The following ITGAV variants were observed in gnomAD, a reference collection of about 807,000 sequenced individuals.
ITGAV encodes the protein integrin subunit alpha V, also known as integrin alpha-V.
ITGAV carries 76 observed loss-of-function variants against 143.8 expected under a neutral mutation model. The observed-to-expected ratio is 0.53, with a 90% CI of 0.44 to 0.64. The LOEUF (loss-of-function observed/expected upper bound fraction) is 0.64. Among genes scored for constraint, ITGAV ranks in the 30% least tolerant of loss-of-function variants. The pLI is 0.00. For synonymous variants in ITGAV, 453 were observed against 446.7 expected, an observed-to-expected ratio of 1.01 and a Z score of -0.18; for missense variants, 1,193 against 1,274.7, an observed-to-expected ratio of 0.94 and a Z score of 0.98.
intron 1 of ITGAV, among the ~76,000 whole-genome samples, chr2:186,595,076 T>TA (rs748348634): frequency 5.9e-5 from 9 of 152,204 alleles, no homozygotes; most frequent in Non-Finnish European, 1.3e-4. Context: ...AAGCATTTTT[T>TA]AAAAAATGAA....
chr2:186,634,418 C>G (rs1464789535), intron 6 of ITGAV, among the ~76,000 whole-genome samples: 1 of 151,596 alleles, frequency 6.6e-6, no homozygotes, highest in Non-Finnish European at 1.5e-5. Context: ...TCAAATTTTA[C>G]TCTATTTTCT....
intron 12 of ITGAV, among the ~76,000 whole-genome samples, chr2:186,644,388 C>A (rs1275266617): frequency 6.6e-6 from 1 of 151,676 alleles, no homozygotes; most frequent in African/African-American, 2.4e-5. Context: ...TGCAGTGGCA[C>A]GATATCGGCT....
chr2:186,603,779 C>T (rs372807989), intron 2 of ITGAV, among the ~76,000 whole-genome samples: 10 of 151,832 alleles, frequency 6.6e-5, no homozygotes, highest in African/African-American at 2.2e-4. Context: ...ATAACATTTG[C>T]ACATGGTAAA....
chr2:186,629,491 C>G (rs1260065799), intron 4 of ITGAV, among the ~76,000 whole-genome samples: 1 of 151,752 alleles, frequency 6.6e-6, no homozygotes, highest in Non-Finnish European at 1.5e-5. Flanking sequence ...GCTGGAAACC[C>G]CTGCCCCACA....
intron 12 of ITGAV, among the ~76,000 whole-genome samples, chr2:186,643,491 A>G (rs760412715): frequency 1.4e-4 from 21 of 152,216 alleles, no homozygotes; most frequent in Non-Finnish European, 2.8e-4. Flanking sequence ...TACATTATAC[A>G]TGTATATGTT....
intron 18 of ITGAV, among the ~76,000 whole-genome samples, chr2:186,662,138 C>T (rs1688764926): frequency 6.6e-6 from 1 of 152,132 alleles, no homozygotes; most frequent in Non-Finnish European, 1.5e-5. Flanking sequence ...TCATTGCAAA[C>T]TTAAGATACT....
At chr2:186,644,147 T>C (rs1453474651) in intron 12 of ITGAV, among the ~76,000 whole-genome samples, 1 of 152,070 alleles carries the variant, frequency 6.6e-6, no homozygotes, top group Non-Finnish European at 1.5e-5. Context: ...CTTTGCCATG[T>C]TGCCAAAACT....
chr2:186,675,468 C>A, intron 26 of ITGAV, 136 bp from the exon 27 acceptor site: 1 of 640,034 alleles, frequency 1.6e-6, no homozygotes, highest in Non-Finnish European at 2.8e-6. Context: ...AACTATTAGC[C>A]TGTTTATTTT....
In ITGAV at chr2:186,678,678, A is replaced by G; in HGVS notation, c.*1386A>G. ...AGTGGTGAACCTTCTAGAGGAATAT[A>G]TGATTTATTCACAGTTCCTCAAGGC... On this transcript the variant is annotated 3_prime_UTR_variant, in exon 30 of 30. Transcript: ENST00000261023. 2.2e-6 allele frequency: 1 copy of G among 454,722 alleles called. No individual in the cohort carries two copies. Among genetic ancestry groups the G allele is most frequent in the Non-Finnish European group, 4.4e-6 (1 of 225,996 alleles). The allele number at this position is 454,722 out of a possible 1,614,324, so 28.2% of individuals were successfully genotyped here.
chr2:186,652,416 C>T (rs760441068), intron 15 of ITGAV, among the ~76,000 whole-genome samples: 2 of 152,026 alleles, frequency 1.3e-5, no homozygotes, highest in African/African-American at 2.4e-5. Context: ...TCTCGAAGAC[C>T]GCTGTGCTCA....
At position 186,590,451 on chromosome 2, in the gene ITGAV, C is replaced by G; in HGVS notation, c.113C>G (p.Pro38Arg). 1 of 1,612,806 alleles carries G rather than the reference C, an allele frequency of 6.2e-7. No individual in the cohort carries two copies. Among genetic ancestry groups the G allele is most frequent in the Non-Finnish European group, 8.5e-7 (1 of 1,179,612 alleles). Residue 38 changes from proline to arginine, a missense_variant, in exon 1 of 30, where the codon CCT becomes CGT. Transcript: ENST00000261023. ...CRAFNLDVDSPAEYSGPEGSY... is the reference protein window; with the variant it reads ...CRAFNLDVDSRAEYSGPEGSY... ...GCCTTCAACCTAGACGTGGACAGTC[C>G]TGCCGAGTACTCTGGCCCCGAGGGA...
intron 12 of ITGAV, among the ~76,000 whole-genome samples, chr2:186,645,728 G>A (rs1688237459): frequency 6.6e-6 from 1 of 152,148 alleles, no homozygotes; most frequent in Non-Finnish European, 1.5e-5. Context: ...CCCACTTTGG[G>A]AGGCCGAGGT....
intron 2 of ITGAV, among the ~76,000 whole-genome samples, chr2:186,616,102 T>C (rs1378399351): frequency 6.6e-6 from 1 of 152,050 alleles, no homozygotes; most frequent in Admixed American, 6.6e-5. Flanking sequence ...CAAAAATCAG[T>C]TGACTGTGAA....
At chr2:186,675,965 C>T (rs1438091614) in intron 28 of ITGAV, 38 bp downstream of exon 28, 1 of 1,066,256 alleles carries the variant, frequency 9.4e-7, no homozygotes, top group Non-Finnish European at 1.4e-6. Flanking sequence ...TAAATTTACT[C>T]AATTCAAATG....
rs1220496813 is a variant in ITGAV, at chr2:186,636,161, A to G, written c.711A>G (p.Gln237=). 1 of 1,613,180 alleles carries G rather than the reference A, an allele frequency of 6.2e-7. No homozygotes were observed. Among genetic ancestry groups the G allele is most frequent in the South Asian group, 1.1e-5 (1 of 90,894 alleles). Residue 237 remains glutamine, a synonymous_variant, in exon 7 of 30, where the codon CAA becomes CAG. Coordinates refer to ENST00000261023, the MANE Select transcript of ITGAV (RefSeq NM_002210.5). ...TTTACAGCATCAAGTATAATAACCAATTAGCAACTCGGACTGCACAAGCTA... is the reference window on the plus strand; with the variant it reads ...TTTACAGCATCAAGTATAATAACCAGTTAGCAACTCGGACTGCACAAGCTA... ...PNVYSIKYNN[Q]LATRTAQAIF... is the part of the protein sequence containing the mutation.
chr2:186,651,190 A>G (rs1050594227), intron 14 of ITGAV, among the ~76,000 whole-genome samples: 4 of 152,234 alleles, frequency 2.6e-5, no homozygotes, highest in Non-Finnish European at 5.9e-5. Flanking sequence ...TGGCAGGAAC[A>G]CTAACATTAG....
rs368694864 is a variant in ITGAV at position 186,646,825 on chromosome 2, C to T, written c.1299C>T (p.Ser433=). ...GGGCTGCTCGAAGCATGCCACCAAG[C>T]TTTGGCTATTCAATGAAAGGAGCCA... is the stretch of plus-strand genomic sequence containing the variant. The part of the protein sequence containing the change: ...GQWAARSMPP[S]FGYSMKGATD... Residue 433 remains serine, a synonymous_variant, in exon 13 of 30, where the codon AGC becomes AGT. Transcript: ENST00000261023. The T allele has an allele frequency of 6.2e-7, 1 of 1,609,358 alleles. No homozygotes were observed. Among genetic ancestry groups the T allele is most frequent in the Non-Finnish European group, 8.5e-7 (1 of 1,176,724 alleles).
intron 26 of ITGAV, among the ~76,000 whole-genome samples, chr2:186,670,502 T>C (rs954758345): frequency 2.0e-5 from 3 of 152,142 alleles, no homozygotes; most frequent in African/African-American, 7.2e-5. Context: ...GGTTTCACCA[T>C]GTTGCCCAGG....
chr2:186,644,575 C>T (rs899131708), intron 12 of ITGAV, among the ~76,000 whole-genome samples: 4 of 152,090 alleles, frequency 2.6e-5, no homozygotes, highest in Admixed American at 6.5e-5. Context: ...CCACCCGCCT[C>T]GGCCTCTGAA....
Sources: allele counts gnomAD v4.1 joint callset (sites outside exome capture counted in the v4.1 genomes callset), GRCh38; gene constraint gnomAD v4.1.1; transcripts MANE v1.5; gene names NCBI Gene and HGNC (gene_info 2026-07-23, HGNC 2026-07-21).